The following PARD3B variants were observed in gnomAD, a reference collection of about 807,000 sequenced individuals.
PARD3B encodes the protein partitioning defective 3 homolog B.
Under a neutral mutation model 130.2 loss-of-function variants are expected in PARD3B, and 103 were observed. The ratio of observed to expected loss-of-function variants is 0.79; its 90% CI spans 0.67 to 0.93. The LOEUF (loss-of-function observed/expected upper bound fraction) is 0.93, where lower values mean the gene tolerates loss of function less well. Ranked by LOEUF, PARD3B falls within the 40% of genes least tolerant of loss-of-function variation. PARD3B has a pLI of 0.00. For synonymous variants in PARD3B, 583 were observed against 553.2 expected, an observed-to-expected ratio of 1.05 and a Z score of -0.76; for missense variants, 1,609 against 1,499.2, an observed-to-expected ratio of 1.07 and a Z score of -1.21.
intron 2 of PARD3B, among the ~76,000 whole-genome samples, chr2:204,726,946 T>G (rs1380886710): frequency 1.3e-5 from 2 of 152,184 alleles, no homozygotes; most frequent in Non-Finnish European, 2.9e-5. Flanking sequence ...TCGTTTTCCT[T>G]TCTCAGACAA....
chr2:205,117,463 A>G (rs916468537), intron 6 of PARD3B, among the ~76,000 whole-genome samples: 4 of 152,282 alleles, frequency 2.6e-5, no homozygotes, highest in African/African-American at 9.6e-5. Flanking sequence ...AGGTCTTGAG[A>G]TGATGGGAGC....
rs1194481320 is a variant in PARD3B, at chr2:204,648,672, CAT to C, written c.121-37505_121-37504del. 2.6e-4 allele frequency among the ~76,000 whole-genome samples: 23 copies of C among 88,946 alleles called. 1 individual carries two copies. The East Asian group carries it at 6.1e-3, about 24-fold the overall frequency. 58.4% of individuals were successfully genotyped at this position (88,946 alleles called of 152,430 possible). A position where few individuals can be genotyped will look rare whatever the true frequency, so the allele number is the denominator to read the frequency against. On this transcript the variant is annotated intron_variant, in intron 1 of 22. Coordinates refer to ENST00000406610, the MANE Select transcript of PARD3B (RefSeq NM_001302769.2). ...TATATAATATATTTATAATATATAT[CAT>C]ATAAATAATATATATTTATAATATA... is the stretch of plus-strand genomic sequence containing the variant.
At chr2:205,565,858 A>G (rs534919482) in intron 22 of PARD3B, among the ~76,000 whole-genome samples, 69 of 151,668 alleles carry the variant, frequency 4.5e-4, no homozygotes, top group Non-Finnish European at 8.1e-4. Flanking sequence ...AGTGGAGAAG[A>G]TAGTAATTCA....
rs920929613 is a variant in PARD3B, at chr2:205,618,077, C to T, written c.*2264C>T. ...GTGCAATACCTCCTGCACACAGGCT[C>T]AGGGTAAACTGCTCCAAAGCTGGGT... On this transcript the variant is annotated 3_prime_UTR_variant, in exon 23 of 23. Transcript: ENST00000406610. 1 of 152,134 alleles carries T rather than the reference C, an allele frequency of 6.6e-6. No homozygotes were observed. The highest frequency in any genetic ancestry group is 1.5e-5 in the Non-Finnish European group (1 of 68,040). The allele number at this position is 152,134 out of a possible 1,614,324, so 9.4% of individuals were successfully genotyped here. A position where few individuals can be genotyped will look rare whatever the true frequency, so the allele number is the denominator to read the frequency against.
intron 15 of PARD3B, among the ~76,000 whole-genome samples, chr2:205,198,722 T>C (rs1246226741): frequency 6.6e-6 from 1 of 152,152 alleles, no homozygotes; most frequent in Non-Finnish European, 1.5e-5. Context: ...TCTAATACTT[T>C]CTTTTTAAGA....
chr2:204,814,792 T>C (rs889881019), intron 2 of PARD3B, among the ~76,000 whole-genome samples: 2 of 151,930 alleles, frequency 1.3e-5, no homozygotes, highest in African/African-American at 4.8e-5. Flanking sequence ...AGGATGAATA[T>C]TGGAGATATC....
intron 2 of PARD3B, among the ~76,000 whole-genome samples, chr2:204,798,172 C>G (rs2042438889): frequency 6.6e-6 from 1 of 152,092 alleles, no homozygotes; most frequent in Non-Finnish European, 1.5e-5. Context: ...TCTTGAATTG[C>G]CCACACCACT....
intron 18 of PARD3B, among the ~76,000 whole-genome samples, chr2:205,318,146 G>C (rs561740018): frequency 6.6e-6 from 1 of 152,074 alleles, no homozygotes; most frequent in Non-Finnish European, 1.5e-5. Flanking sequence ...CCCATTGATA[G>C]GTTTCTTCTC....
At chr2:204,798,333 C>T (rs182923079) in intron 2 of PARD3B, among the ~76,000 whole-genome samples, 1 of 152,190 alleles carries the variant, frequency 6.6e-6, no homozygotes, top group Non-Finnish European at 1.5e-5. Flanking sequence ...TCAGGTGGCA[C>T]TCATGGAGGG....
At chr2:204,921,397 A>G (rs1222145370) in intron 2 of PARD3B, among the ~76,000 whole-genome samples, 1 of 152,198 alleles carries the variant, frequency 6.6e-6, no homozygotes, top group Admixed American at 6.5e-5. Context: ...GTCACAAACA[A>G]TAGACCTTAT....
chr2:205,599,127 C>G (rs1332749517), intron 22 of PARD3B, among the ~76,000 whole-genome samples: 2 of 152,128 alleles, frequency 1.3e-5, no homozygotes, highest in Admixed American at 1.3e-4. Flanking sequence ...TAGAGCAGAA[C>G]TGAACCAAAT....
chr2:204,620,378 C>T (rs1388992510), intron 1 of PARD3B, among the ~76,000 whole-genome samples: 1 of 152,070 alleles, frequency 6.6e-6, no homozygotes, highest in Non-Finnish European at 1.5e-5. Flanking sequence ...CAGGTGTGAG[C>T]CACCTTACCC....
chr2:205,417,844 C>T (rs1201761682), intron 19 of PARD3B, among the ~76,000 whole-genome samples: 1 of 152,208 alleles, frequency 6.6e-6, no homozygotes, highest in Non-Finnish European at 1.5e-5. Flanking sequence ...TGGAAGCTGG[C>T]CTTCTCCGGG....
rs904783504 is a variant in PARD3B, at chr2:205,288,252, G to A, written c.2186-12278G>A. Among the ~76,000 whole-genome samples the A allele has an allele frequency of 6.6e-5, 10 of 152,146 alleles. No individual in the cohort carries two copies. The highest frequency in any genetic ancestry group is 6.5e-4 in the Admixed American group (10 of 15,298). ...ACCTCCTGGCTCCCAAGTGCATTAAGATATGTTCCTGCACCCTATCCCTCC... is the reference window on the plus strand; with the variant it reads ...ACCTCCTGGCTCCCAAGTGCATTAAAATATGTTCCTGCACCCTATCCCTCC... On this transcript the variant is annotated intron_variant, in intron 16 of 22. Transcript: ENST00000406610. This position sits in a 1 kb window ranked among gnomAD's most constrained non-coding sequence, Gnocchi z 4.0.
At chr2:205,393,015 C>T (rs1054563911) in intron 18 of PARD3B, among the ~76,000 whole-genome samples, 1 of 152,144 alleles carries the variant, frequency 6.6e-6, no homozygotes, top group African/African-American at 2.4e-5. Flanking sequence ...TTTTATCAGT[C>T]TCATTAACTC....
At chr2:204,713,979 C>T (rs983198449) in intron 2 of PARD3B, among the ~76,000 whole-genome samples, 2 of 152,070 alleles carry the variant, frequency 1.3e-5, no homozygotes, top group African/African-American at 4.8e-5. Context: ...TGTCAGTGTA[C>T]AGAGGTAGGA....
intron 1 of PARD3B, among the ~76,000 whole-genome samples, chr2:204,553,593 C>CATATATATGTATATATATGT (rs55849217): frequency 8.6e-6 from 1 of 115,922 alleles, no homozygotes; most frequent in Non-Finnish European, 1.6e-5. Flanking sequence ...AGGCTATATA[C>CATATATATGTATATATATGT]ATATATATGT....
intron 1 of PARD3B, among the ~76,000 whole-genome samples, chr2:204,607,151 A>G (rs757137922): frequency 3.4e-4 from 52 of 152,316 alleles, no homozygotes; most frequent in Non-Finnish European, 6.0e-4. Context: ...TCTTAGCAAA[A>G]TGGAAAGATA....
intron 16 of PARD3B, among the ~76,000 whole-genome samples, chr2:205,260,759 T>C (rs2040273162): frequency 1.3e-5 from 2 of 152,140 alleles, no homozygotes; most frequent in South Asian, 4.1e-4. Flanking sequence ...TTAATTGTTG[T>C]TTTTCCTATC....
Sources: allele counts gnomAD v4.1 joint callset (sites outside exome capture counted in the v4.1 genomes callset), GRCh38; gene constraint gnomAD v4.1.1; non-coding constraint Gnocchi (gnomAD v3.1); transcripts MANE v1.5; gene names NCBI Gene and HGNC (gene_info 2026-07-23, HGNC 2026-07-21).